The following NHSL2 variants were observed in gnomAD, a reference collection of about 807,000 sequenced individuals.
The protein encoded by NHSL2 is NHS-like protein 2.
Under a neutral mutation model 53.4 loss-of-function variants are expected in NHSL2, and 27 were observed. That is an observed-to-expected ratio of 0.51 (90% CI 0.37 to 0.70). The LOEUF (loss-of-function observed/expected upper bound fraction) is 0.70. NHSL2 is among the 30% of genes least tolerant of loss of function. NHSL2 has a pLI of 0.00. For synonymous variants in NHSL2, 408 were observed against 404.1 expected, an observed-to-expected ratio of 1.01 and a Z score of -0.12; for missense variants, 892 against 980.1, an observed-to-expected ratio of 0.91 and a Z score of 1.20.
intron 4 of NHSL2, among the ~76,000 whole-genome samples, chrX:72,136,394 A>G (rs1449173904): frequency 8.9e-6 from 1 of 112,729 alleles, no homozygotes; most frequent in East Asian, 2.7e-4. Flanking sequence ...TGAAAGTACC[A>G]TGTAACTCAG....
intron 1 of NHSL2, among the ~76,000 whole-genome samples, chrX:72,112,586 C>G (rs2042102264): frequency 8.9e-6 from 1 of 112,345 alleles, no homozygotes; most frequent in South Asian, 3.6e-4. Context: ...CTGGACATAT[C>G]ATAGAAATGG....
intron 1 of NHSL2, among the ~76,000 whole-genome samples, chrX:71,984,733 C>G (rs1481551032): frequency 1.2e-4 from 13 of 112,082 alleles, no homozygotes; most frequent in Admixed American, 1.1e-3. Flanking sequence ...CTTTATTATA[C>G]CTGGTTGGAC....
intron 1 of NHSL2, chrX:72,129,681 T>C (rs945576261): frequency 9.0e-6 from 5 of 556,874 alleles, no homozygotes; most frequent in African/African-American, 4.6e-5. Context: ...GGTTGCAAGA[T>C]GGTCTGGAAT....
At chrX:71,990,624 A>T (rs1981151636) in intron 1 of NHSL2, among the ~76,000 whole-genome samples, 2 of 111,102 alleles carry the variant, frequency 1.8e-5, no homozygotes, top group African/African-American at 3.3e-5. Flanking sequence ...AGTGACCTCC[A>T]ACCTCATCAC....
At chrX:71,962,143 A>G (rs751138166) in intron 1 of NHSL2, among the ~76,000 whole-genome samples, 6 of 112,122 alleles carry the variant, frequency 5.4e-5, no homozygotes, top group African/African-American at 1.9e-4. Flanking sequence ...ATGTTAAACC[A>G]CCCTTACTTT....
chrX:72,041,514 G>A (rs182945266), intron 1 of NHSL2, among the ~76,000 whole-genome samples: 203 of 112,208 alleles, frequency 1.8e-3, no homozygotes, highest in Admixed American at 3.9e-3. Context: ...CATTGACAAC[G>A]ATTTCACATT....
At chrX:72,021,032 G>A (rs181369068) in intron 1 of NHSL2, among the ~76,000 whole-genome samples, 11 of 107,287 alleles carry the variant, frequency 1.0e-4, no homozygotes, top group South Asian at 7.9e-4. Flanking sequence ...TAGAGGTGAG[G>A]GTGTGTACAC....
At chrX:71,943,798 G>A (rs775128835) in intron 1 of NHSL2, among the ~76,000 whole-genome samples, 2 of 112,322 alleles carry the variant, frequency 1.8e-5, no homozygotes, top group Non-Finnish European at 3.8e-5. Context: ...ACTTAGAGTG[G>A]CTTAAACAAA....
chrX:72,023,125 A>G (rs1163556824), intron 1 of NHSL2, among the ~76,000 whole-genome samples: 1 of 112,726 alleles, frequency 8.9e-6, no homozygotes, highest in Non-Finnish European at 1.9e-5. Context: ...ATTCTCTGCC[A>G]GGCTTGATAC....
chrX:72,132,253 G>C lies in NHSL2; in HGVS notation c.436+19G>C. ...TTGCAAGGTACCGAGAGGGAGGGGG[G>C]CTGCGGCCGGAGCCCAGAAGCGAGA... On this transcript the variant is annotated intron_variant, in intron 2 of 7. Coordinates refer to ENST00000633930, the MANE Select transcript of NHSL2 (RefSeq NM_001013627.3). 8.8e-7 allele frequency: 1 copy of C among 1,141,352 alleles called. No homozygotes were observed. Among genetic ancestry groups the C allele is most frequent in the Non-Finnish European group, 1.2e-6 (1 of 857,676 alleles). The allele number at this position is 1,141,352 out of a possible 1,213,427, so 94.1% of individuals were successfully genotyped here.
intron 1 of NHSL2, among the ~76,000 whole-genome samples, chrX:71,949,106 AT>A (rs1198910848): frequency 1.8e-5 from 2 of 110,982 alleles, no homozygotes. Context: ...AAATTCTAAA[AT>A]TGTCATTCCA....
chrX:71,962,627 C>CT lies in NHSL2; in HGVS notation c.280+51280dup, dbSNP rs57600316. On this transcript the variant is annotated intron_variant, in intron 1 of 7. Transcript: ENST00000633930. ...CAATGTCCCCACTTTCATCTCTTTC[C>CT]TTTTTTTTTTTTTTTTTTTTGAGAC... Among the ~76,000 whole-genome samples, 54 of 54,769 alleles carry CT rather than the reference C, an allele frequency of 9.9e-4. 2 individuals are homozygous for CT. The highest frequency in any genetic ancestry group is 8.4e-3 in the East Asian group (17 of 2,013). The allele number at this position is 54,769 out of a possible 115,157, so 47.6% of individuals were successfully genotyped here.
At chrX:72,141,938 A>G (rs1041317116) in intron 6 of NHSL2, among the ~76,000 whole-genome samples, 2 of 111,710 alleles carry the variant, frequency 1.8e-5, no homozygotes, top group Middle Eastern at 4.2e-3. Flanking sequence ...CAGCTCCTTC[A>G]TTTGGAGAAA....
At chrX:71,960,236 A>C (rs999591810) in intron 1 of NHSL2, among the ~76,000 whole-genome samples, 1 of 112,114 alleles carries the variant, frequency 8.9e-6, no homozygotes, top group African/African-American at 3.2e-5. Flanking sequence ...TTGAGTTATA[A>C]TTATTCTTGA....
chrX:71,924,930 T>C (rs989401313), intron 1 of NHSL2, among the ~76,000 whole-genome samples: 1 of 112,159 alleles, frequency 8.9e-6, no homozygotes, highest in Non-Finnish European at 1.9e-5. Context: ...TCACCCCCCC[T>C]CCCCAAATGT....
At chrX:72,040,114 C>T (rs933460179) in intron 1 of NHSL2, among the ~76,000 whole-genome samples, 1 of 111,944 alleles carries the variant, frequency 8.9e-6, no homozygotes, top group Non-Finnish European at 1.9e-5. Context: ...AGCCTTTGAT[C>T]GAGGAATTGA....
chrX:72,055,956 C>T (rs748882955), intron 1 of NHSL2, among the ~76,000 whole-genome samples: 1 of 112,364 alleles, frequency 8.9e-6, no homozygotes, highest in South Asian at 3.7e-4. Context: ...AAACTTTCCA[C>T]TTTTGTTATT....
At chrX:72,081,028 T>C (rs1015125832) in intron 1 of NHSL2, among the ~76,000 whole-genome samples, 1 of 112,396 alleles carries the variant, frequency 8.9e-6, no homozygotes, top group African/African-American at 3.2e-5. Flanking sequence ...TGGAAGCTAC[T>C]GCTTGTGGAG....
intron 1 of NHSL2, among the ~76,000 whole-genome samples, chrX:72,053,156 T>C (rs1014924830): frequency 1.8e-5 from 2 of 112,132 alleles, no homozygotes; most frequent in Non-Finnish European, 3.8e-5. Context: ...CTCGTTAGGA[T>C]TTGAGTGCAG....
Sources: allele counts gnomAD v4.1 joint callset (sites outside exome capture counted in the v4.1 genomes callset), GRCh38; gene constraint gnomAD v4.1.1; transcripts MANE v1.5; gene names NCBI Gene and HGNC (gene_info 2026-07-23, HGNC 2026-07-21).